The following KCNIP1 variants were observed in gnomAD, a reference collection of about 807,000 sequenced individuals.
The protein encoded by KCNIP1 is potassium voltage-gated channel interacting protein 1, also known as A-type potassium channel modulatory protein KCNIP1.
KCNIP1 carries 18 observed loss-of-function variants against 33.0 expected under a neutral mutation model. The observed-to-expected ratio is 0.55, with a 90% CI of 0.38 to 0.81. The LOEUF (loss-of-function observed/expected upper bound fraction) is 0.81, where lower values mean the gene tolerates loss of function less well. Ranked by LOEUF, KCNIP1 falls within the 30% of genes least tolerant of loss-of-function variation. The pLI is 0.00. For synonymous variants in KCNIP1, 93 were observed against 98.3 expected (o/e 0.95, Z 0.32); for missense variants, 238 against 271.6 (o/e 0.88, Z 0.87).
intron 1 of KCNIP1, among the ~76,000 whole-genome samples, chr5:170,707,464 T>C (rs1166038270): frequency 6.6e-6 from 1 of 152,194 alleles, no homozygotes; most frequent in African/African-American, 2.4e-5. Flanking sequence ...TCTTGGAAAA[T>C]ATCTGGATGA....
At chr5:170,374,811 G>A (rs771658928) in intron 1 of KCNIP1, 1 of 152,208 alleles carries the variant, frequency 6.6e-6, no homozygotes, top group Non-Finnish European at 1.5e-5. Flanking sequence ...CGTGCATAAA[G>A]TTCTGTGAGC....
At chr5:170,393,244 C>T (rs1361040269) in intron 1 of KCNIP1, among the ~76,000 whole-genome samples, 1 of 152,216 alleles carries the variant, frequency 6.6e-6, no homozygotes, top group African/African-American at 2.4e-5. Context: ...ACCCTCAGCT[C>T]AGTCTGTACC....
At chr5:170,433,081 A>C (rs913283253) in intron 1 of KCNIP1, among the ~76,000 whole-genome samples, 1 of 152,186 alleles carries the variant, frequency 6.6e-6, no homozygotes, top group Admixed American at 6.5e-5. Context: ...CACAATTTGA[A>C]CCACCTGAGG....
intron 1 of KCNIP1, among the ~76,000 whole-genome samples, chr5:170,597,035 A>G (rs2113569826): frequency 6.6e-6 from 1 of 152,324 alleles, no homozygotes; most frequent in African/African-American, 2.4e-5. Flanking sequence ...AATTTAAGTA[A>G]CATATTGAAG....
chr5:170,356,342 T>C (rs1172674753), intron 1 of KCNIP1, among the ~76,000 whole-genome samples: 8 of 152,148 alleles, frequency 5.3e-5, no homozygotes, highest in African/African-American at 1.9e-4. Flanking sequence ...ACCTGCTTGT[T>C]CTATGGCAAT....
At chr5:170,477,794 T>C (rs577701932) in intron 1 of KCNIP1, among the ~76,000 whole-genome samples, 1 of 152,318 alleles carries the variant, frequency 6.6e-6, no homozygotes, top group African/African-American at 2.4e-5. Context: ...CATTAGTGGC[T>C]GTTGCTTACT....
intron 1 of KCNIP1, among the ~76,000 whole-genome samples, chr5:170,622,311 C>T (rs939291044): frequency 2.0e-5 from 3 of 152,034 alleles, no homozygotes; most frequent in African/African-American, 7.2e-5. Context: ...AATCCAGTGA[C>T]TGATGTCCTT....
At chr5:170,684,049 G>T (rs1009917946) in intron 1 of KCNIP1, among the ~76,000 whole-genome samples, 1 of 152,074 alleles carries the variant, frequency 6.6e-6, no homozygotes, top group Non-Finnish European at 1.5e-5. Context: ...GAGCCACAGC[G>T]CCTGGCCAAT....
intron 1 of KCNIP1, among the ~76,000 whole-genome samples, chr5:170,521,062 A>T (rs1156617987): frequency 2.0e-5 from 3 of 152,212 alleles, no homozygotes; most frequent in Non-Finnish European, 4.4e-5. Flanking sequence ...GGGTTGTTAC[A>T]GTGTGAGCCC....
chr5:170,697,476 C>G (rs1397751795), intron 1 of KCNIP1, among the ~76,000 whole-genome samples: 1 of 152,094 alleles, frequency 6.6e-6, no homozygotes, highest in Non-Finnish European at 1.5e-5. Context: ...TGCAAAGAAC[C>G]CATTGGTAAG....
chr5:170,641,187 G>T (rs1040861355), intron 1 of KCNIP1, among the ~76,000 whole-genome samples: 1 of 152,142 alleles, frequency 6.6e-6, no homozygotes, highest in Non-Finnish European at 1.5e-5. Context: ...TGGCTTATGG[G>T]CATGGCTTCC....
At chr5:170,593,079 A>C (rs1166048507) in intron 1 of KCNIP1, among the ~76,000 whole-genome samples, 1 of 152,186 alleles carries the variant, frequency 6.6e-6, no homozygotes, top group African/African-American at 2.4e-5. Context: ...CTCAGAGGTC[A>C]AGAAAATTGG....
chr5:170,704,841 G>T (rs13172714), intron 1 of KCNIP1, among the ~76,000 whole-genome samples: 6 of 152,076 alleles, frequency 3.9e-5, no homozygotes, highest in African/African-American at 1.5e-4. Flanking sequence ...CCTTGTAGGT[G>T]GGGGGATGCC....
chr5:170,520,822 A>G (rs1755338026), intron 1 of KCNIP1, among the ~76,000 whole-genome samples: 1 of 152,132 alleles, frequency 6.6e-6, no homozygotes, highest in Non-Finnish European at 1.5e-5. Flanking sequence ...AAGGCTCCAC[A>G]TAATGGTGAA....
chr5:170,659,284 G>A (rs187075235), intron 1 of KCNIP1, among the ~76,000 whole-genome samples: 71 of 152,082 alleles, frequency 4.7e-4, no homozygotes, highest in African/African-American at 1.5e-3. Context: ...CCTTCCATTC[G>A]TGGTGGGTGT....
At chr5:170,486,859 C>T (rs901250119) in intron 1 of KCNIP1, among the ~76,000 whole-genome samples, 7 of 152,198 alleles carry the variant, frequency 4.6e-5, no homozygotes, top group Admixed American at 6.5e-5. Flanking sequence ...CACTGGTACA[C>T]GCCTGTGTAC....
At chr5:170,606,240 T>C (rs987088068) in intron 1 of KCNIP1, among the ~76,000 whole-genome samples, 2 of 152,266 alleles carry the variant, frequency 1.3e-5, no homozygotes, top group Non-Finnish European at 2.9e-5. Flanking sequence ...CACTTGTCTC[T>C]AATTCTTTGG....
At chr5:170,558,228 G>A (rs892044809) in intron 1 of KCNIP1, among the ~76,000 whole-genome samples, 2 of 152,104 alleles carry the variant, frequency 1.3e-5, no homozygotes, top group African/African-American at 4.8e-5. Flanking sequence ...AACTGCTTTT[G>A]CCATCTAAGG....
At chr5:170,653,202 G>A (rs764039738) in intron 1 of KCNIP1, among the ~76,000 whole-genome samples, 3 of 152,188 alleles carry the variant, frequency 2.0e-5, no homozygotes, top group Non-Finnish European at 4.4e-5. Context: ...GATGGCATCT[G>A]TCAGAGTTGC....
Sources: allele counts gnomAD v4.1 joint callset (sites outside exome capture counted in the v4.1 genomes callset), GRCh38; gene constraint gnomAD v4.1.1; transcripts MANE v1.5; gene names NCBI Gene and HGNC (gene_info 2026-07-23, HGNC 2026-07-21).